Variants in DCC observed in about 807,000 individuals in gnomAD.
DCC encodes the protein DCC netrin 1 receptor.
In DCC, 58 loss-of-function variants were observed where a neutral mutation model predicts 172.5. The ratio of observed to expected loss-of-function variants is 0.34; its 90% confidence interval spans 0.27 to 0.42. The LOEUF is 0.42. Ranked by LOEUF, DCC falls within the 10% of genes least tolerant of loss-of-function variation. The pLI, the probability that DCC is intolerant of heterozygous loss-of-function variation, is 1.00. For synonymous variants in DCC, 709 were observed against 644.5 expected, an observed-to-expected ratio of 1.10 and a Z score of -1.52; for missense variants, 1,740 against 1,791.0, an observed-to-expected ratio of 0.97 and a Z score of 0.51.
chr18:52,670,492 C>G (rs1196384252), intron 1 of DCC, among the ~76,000 whole-genome samples: 3 of 152,164 alleles, frequency 2.0e-5, no homozygotes, highest in Non-Finnish European at 4.4e-5. Context: ...ATTGTTAGGT[C>G]TCTTTCCTAT....
intron 5 of DCC, among the ~76,000 whole-genome samples, chr18:52,929,223 A>G (rs928759757): frequency 2.6e-5 from 4 of 152,126 alleles, no homozygotes; most frequent in Non-Finnish European, 5.9e-5. Flanking sequence ...TTTAGCACAG[A>G]AAGATAAGTG....
At chr18:52,398,399 G>A (rs1461938073) in intron 1 of DCC, among the ~76,000 whole-genome samples, 2 of 151,764 alleles carry the variant, frequency 1.3e-5, no homozygotes, top group African/African-American at 4.8e-5. Flanking sequence ...GAACTCTTAG[G>A]TGTTACTAAC....
At chr18:53,254,649 C>A (rs1428081609) in intron 12 of DCC, among the ~76,000 whole-genome samples, 1 of 152,008 alleles carries the variant, frequency 6.6e-6, no homozygotes, top group African/African-American at 2.4e-5. Context: ...TATTCCCATG[C>A]AGGATCCTAG....
chr18:52,997,446 T>C (rs1440733905), intron 5 of DCC, among the ~76,000 whole-genome samples: 2 of 152,114 alleles, frequency 1.3e-5, no homozygotes, highest in African/African-American at 4.8e-5. Flanking sequence ...TGAAGTGTAA[T>C]AGACACATAA....
In DCC at chr18:52,820,000, G is replaced by A. The variant is rs150780757; in HGVS notation, c.412+67626G>A. ...CTCCCAAAGTGCTGGGATTACAGGC[G>A]TGAGCCACCACGCCCAGCCAACTTG... is the stretch of plus-strand genomic sequence containing the variant. On this transcript the variant is annotated intron_variant, in intron 2 of 28. Transcript: ENST00000442544. Among the ~76,000 whole-genome samples, 400 of 152,234 alleles carry A rather than the reference G, an allele frequency of 2.6e-3. 1 individual carries two copies. Among genetic ancestry groups the A allele is most frequent in the Middle Eastern group, 0.014 (4 of 294 alleles).
At chr18:52,958,717 T>C (rs1294574983) in intron 5 of DCC, among the ~76,000 whole-genome samples, 1 of 151,982 alleles carries the variant, frequency 6.6e-6, no homozygotes, top group Non-Finnish European at 1.5e-5. Context: ...CTCACCTGAG[T>C]GACAGATGAG....
chr18:53,428,568 T>A lies in DCC; in HGVS notation c.3164-6576T>A, dbSNP rs868024228. Among the ~76,000 whole-genome samples, 35 of 47,754 alleles carry A rather than the reference T, an allele frequency of 7.3e-4. 2 individuals carry two copies. Among genetic ancestry groups the A allele is most frequent in the African/African-American group, 1.1e-3 (15 of 14,172 alleles). 31.3% of individuals were successfully genotyped at this position (47,754 alleles called of 152,430 possible). On this transcript the variant is annotated intron_variant, in intron 21 of 28. Coordinates refer to ENST00000442544, the MANE Select transcript of DCC (RefSeq NM_005215.4). ...TATATAAATATATTTATATATATAT[T>A]TATATATATAAAATATATATTTTTA...
chr18:53,512,694 T>G (rs2046272589), intron 27 of DCC, among the ~76,000 whole-genome samples: 1 of 151,622 alleles, frequency 6.6e-6, no homozygotes, highest in East Asian at 1.9e-4. Flanking sequence ...TGCAATCAAC[T>G]GGAAGAAAGG....
chr18:53,335,514 T>C (rs527339167), intron 14 of DCC, among the ~76,000 whole-genome samples: 10 of 152,314 alleles, frequency 6.6e-5, no homozygotes, highest in Non-Finnish European at 1.5e-4. Context: ...CATGTCTGCA[T>C]TCATGTTACA....
At chr18:52,807,799 G>A in intron 2 of DCC, among the ~76,000 whole-genome samples, 1 of 152,120 alleles carries the variant, frequency 6.6e-6, no homozygotes, top group African/African-American at 2.4e-5. Flanking sequence ...TTTAACATAG[G>A]TGCAGATTTA....
intron 24 of DCC, among the ~76,000 whole-genome samples, chr18:53,460,283 T>TG (rs2045538162): frequency 1.7e-5 from 2 of 114,484 alleles, no homozygotes; most frequent in African/African-American, 3.1e-5. Context: ...TGTTTTTTTT[T>TG]TTTTTTTTTT....
chr18:52,659,260 T>C (rs2035312943), intron 1 of DCC, among the ~76,000 whole-genome samples: 1 of 152,074 alleles, frequency 6.6e-6, no homozygotes, highest in South Asian at 2.1e-4. Context: ...AATAAACCTC[T>C]CATTTGGGGA....
intron 1 of DCC, among the ~76,000 whole-genome samples, chr18:52,683,960 A>G (rs2035789374): frequency 6.6e-6 from 1 of 152,066 alleles, no homozygotes; most frequent in Non-Finnish European, 1.5e-5. Context: ...TATCTTAGGA[A>G]CCTCTAGTTT....
intron 2 of DCC, among the ~76,000 whole-genome samples, chr18:52,831,975 T>A (rs2018174): frequency 0.47 from 70,751 of 151,920 alleles, 16,766 homozygotes; most frequent in South Asian, 0.55. Flanking sequence ...AAAGAATTTT[T>A]AAAAATCCCT....
At chr18:53,479,845 T>G (rs1261822185) in intron 25 of DCC, among the ~76,000 whole-genome samples, 2 of 152,210 alleles carry the variant, frequency 1.3e-5, no homozygotes, top group Non-Finnish European at 2.9e-5. Flanking sequence ...TTCAACAAAA[T>G]GGACCATTTC....
At chr18:53,293,194 T>C (rs2057025580) in intron 12 of DCC, among the ~76,000 whole-genome samples, 1 of 152,200 alleles carries the variant, frequency 6.6e-6, no homozygotes, top group Non-Finnish European at 1.5e-5. Context: ...TAGAACAATA[T>C]GCATCCATGT....
At chr18:52,552,278 C>T (rs151078781) in intron 1 of DCC, among the ~76,000 whole-genome samples, 166 of 152,070 alleles carry the variant, frequency 1.1e-3, no homozygotes, top group Non-Finnish European at 1.7e-3. Flanking sequence ...ATAGGCCATT[C>T]GAAGGACCTT....
chr18:53,107,922 T>C (rs992028740), intron 7 of DCC, among the ~76,000 whole-genome samples: 9 of 151,826 alleles, frequency 5.9e-5, no homozygotes, highest in African/African-American at 2.2e-4. Context: ...TTTTCCTTGT[T>C]TGTTTATATT....
At chr18:53,057,127 G>A (rs1488205593) in intron 5 of DCC, among the ~76,000 whole-genome samples, 1 of 145,260 alleles carries the variant, frequency 6.9e-6, no homozygotes, top group Non-Finnish European at 1.5e-5. Context: ...TATATGGGGT[G>A]TTGCTGAAAA....
Sources: allele counts gnomAD v4.1 joint callset (sites outside exome capture counted in the v4.1 genomes callset), GRCh38; gene constraint gnomAD v4.1.1; transcripts MANE v1.5; gene names NCBI Gene and HGNC (gene_info 2026-07-23, HGNC 2026-07-21).